RPL6: variants seen among roughly 807,000 people sequenced by gnomAD.
The protein encoded by RPL6 is ribosomal protein L6.
A neutral mutation model predicts 32.1 loss-of-function variants in RPL6; 1 was observed. The ratio of observed to expected loss-of-function variants is 0.03; its 90% CI spans 0.01 to 0.15. RPL6 has a LOEUF of 0.15. RPL6 is among the 10% of genes least tolerant of loss of function. The probability of loss-of-function intolerance (pLI) is 1.00; values close to 1 mark genes in which losing one functional copy is unlikely to be tolerated. For synonymous variants in RPL6, 126 were observed against 131.6 expected (o/e 0.96, Z 0.29); for missense variants, 275 against 354.6 (o/e 0.78, Z 1.80).
chr12:112,405,806 G>C, intron 6 of RPL6, 47 bp downstream of exon 6: 2 of 1,476,054 alleles, frequency 1.4e-6, no homozygotes, highest in African/African-American at 2.8e-5. Context: ...TTCACTCCCA[G>C]GTAGAAGGGC....
upstream of RPL6, among the ~76,000 whole-genome samples, chr12:112,411,881 CTT>C (rs937776010): frequency 6.9e-6 from 1 of 144,520 alleles, no homozygotes; most frequent in African/African-American, 2.5e-5. Flanking sequence ...GACACTTAAT[CTT>C]TTTTTTTTTT....
Position 112,406,051 on chromosome 12 carries a change from A to AT in RPL6, c.530-15dup, listed in dbSNP as rs751460555. On this transcript the variant is annotated splice_polypyrimidine_tract_variant and intron_variant, in intron 5 of 6. Coordinates refer to ENST00000202773, the MANE Select transcript of RPL6 (RefSeq NM_000970.6). ...GGACCAGAGGTCCTAAGGGGGAAAA[A>AT]TTAATTTAGCAAGGAAAAGGGGGAA... is the stretch of plus-strand genomic sequence containing the variant. 3 of 1,592,746 alleles carry AT rather than the reference A, an allele frequency of 1.9e-6. No individual in the cohort carries two copies. The African/African-American group carries it at 4.1e-5, about 22-fold the overall frequency.
At chr12:112,408,387 A>C (rs765810367) in intron 2 of RPL6, 33 bp downstream of exon 2, 1 of 1,613,548 alleles carries the variant, frequency 6.2e-7, no homozygotes, top group South Asian at 1.1e-5. Context: ...AATTAAGGTT[A>C]AGACATAATG....
intron 3 of RPL6, chr12:112,407,091 C>T (rs1215660379): frequency 1.9e-6 from 1 of 523,260 alleles, no homozygotes; most frequent in African/African-American, 2.0e-5. Flanking sequence ...AAAGGAGACA[C>T]CATTTAATGA....
At chr12:112,418,828 C>T (rs554850776) in exon 1 of RPL6, 3 of 492,638 alleles carry the variant, frequency 6.1e-6, no homozygotes, top group East Asian at 3.7e-5. Context: ...GTCGCTCGGT[C>T]CTCCGCTGAC....
chr12:112,406,938 TA>T, intron 3 of RPL6, 48 bp from the exon 4 acceptor site: 1 of 1,601,800 alleles, frequency 6.2e-7, no homozygotes, highest in Non-Finnish European at 8.5e-7. Context: ...CCATTCAGAT[TA>T]CTAGAAGCAA....
In RPL6 at chr12:112,406,902, C is replaced by T; in HGVS notation, c.337-12G>A. 1.2e-6 allele frequency: 2 copies of T among 1,613,658 alleles called. No individual in the cohort carries two copies. The highest frequency in any genetic ancestry group is 2.2e-5 in the East Asian group (1 of 44,882). On this transcript the variant is annotated splice_polypyrimidine_tract_variant and intron_variant, in intron 3 of 6. Transcript: ENST00000202773. ...GGATAATATCTAGGCTGTGGAGAGTCCATAGATCCAACTTATTTAAATAAG... is the reference window on the plus strand; with the variant it reads ...GGATAATATCTAGGCTGTGGAGAGTTCATAGATCCAACTTATTTAAATAAG...
At chr12:112,413,861 A>AT (rs1475977146), upstream of RPL6, among the ~76,000 whole-genome samples, 5 of 150,624 alleles carry the variant, frequency 3.3e-5, no homozygotes, top group Non-Finnish European at 4.4e-5. Context: ...CCCTGTCTGT[A>AT]TTAAAAAAAA....
chr12:112,415,353 G>A (rs2037393988), upstream of RPL6, among the ~76,000 whole-genome samples: 1 of 152,198 alleles, frequency 6.6e-6, no homozygotes, highest in Non-Finnish European at 1.5e-5. Flanking sequence ...AGGACTGCTT[G>A]AGGCCAGGAG....
chr12:112,411,877 T>G (rs926428708), upstream of RPL6, among the ~76,000 whole-genome samples: 2 of 151,948 alleles, frequency 1.3e-5, no homozygotes, highest in Admixed American at 6.6e-5. Context: ...TGCAGACACT[T>G]AATCTTTTTT....
intron 1 of RPL6, among the ~76,000 whole-genome samples, chr12:112,416,134 T>C (rs1439201136): frequency 1.3e-5 from 1 of 75,846 alleles, no homozygotes; most frequent in East Asian, 4.1e-4. Flanking sequence ...AAATTTTGTA[T>C]TTTTTTTTTT....
Position 112,405,301 on chromosome 12 carries a change from T to C in RPL6, c.790A>G (p.Ile264Val), listed in dbSNP as rs141161168. The C allele has an allele frequency of 1.4e-4, 227 of 1,610,704 alleles. 1 individual carries two copies. The African/African-American group carries it at 2.6e-3, about 19-fold the overall frequency. Reference sequence around the variant, plus strand: ...CGCAGGTAGCCCTGGAGCTGAGGAATAGCTTTGATTTTTGGTAAAATTTGT... The same window carrying C: ...CGCAGGTAGCCCTGGAGCTGAGGAACAGCTTTGATTTTTGGTAAAATTTGT... ...DSQILPKIKAIPQLQGYLRSV... is the reference protein window; with the variant it reads ...DSQILPKIKAVPQLQGYLRSV... Residue 264 changes from isoleucine (I) to valine (V), a missense_variant, in exon 7 of 7, where the codon ATT (isoleucine) becomes GTT (valine). Coordinates refer to ENST00000202773, the MANE Select transcript of RPL6 (RefSeq NM_000970.6).
At chr12:112,416,023 A>G (rs1216455208) in intron 1 of RPL6, among the ~76,000 whole-genome samples, 5 of 148,352 alleles carry the variant, frequency 3.4e-5, no homozygotes, top group Non-Finnish European at 5.9e-5. Context: ...CAGTGGCGCA[A>G]TCTTGGCTCA....
chr12:112,415,195 C>T (rs1242828179), upstream of RPL6, among the ~76,000 whole-genome samples: 5 of 152,072 alleles, frequency 3.3e-5, no homozygotes, highest in Admixed American at 3.3e-4. Flanking sequence ...TTGAGGGGAG[C>T]TGAAAGTCAT....
At chr12:112,406,395 G>C (rs2037170656) in intron 4 of RPL6, 53 bp from the exon 5 acceptor site, 2 of 1,482,810 alleles carry the variant, frequency 1.3e-6, no homozygotes, top group Admixed American at 3.4e-5. Context: ...ACTGACTTCT[G>C]AATTCATAAA....
intron 1 of RPL6, among the ~76,000 whole-genome samples, chr12:112,416,193 GCAGTGGTGTGAT>G (rs1358282412): frequency 1.4e-5 from 2 of 142,750 alleles, no homozygotes; most frequent in Non-Finnish European, 1.5e-5. Context: ...AGGCTGGAGT[GCAGTGGTGTGAT>G]CTTGGCTCAC....
Position 112,406,786 on chromosome 12 carries a change from C to G in RPL6, c.441G>C (p.Gly147=), listed in dbSNP as rs773346470. 6.2e-7 allele frequency: 1 copy of G among 1,614,222 alleles called. No individual in the cohort carries two copies. The highest frequency in any genetic ancestry group is 8.5e-7 in the Non-Finnish European group (1 of 1,180,034). Residue 147 remains glycine (G), a synonymous_variant, in exon 4 of 7, where the codon GGG becomes GGC. Transcript: ENST00000202773. The part of the protein sequence containing the change: ...VRKLRASITP[G]TILIILTGRH... The stretch of plus-strand genomic sequence containing the variant: ...GTCCAGTGAGGATGATCAGAATGGT[C>G]CCGGGGGTAATGCTGGCTCGCAGTT...
At chr12:112,409,955 G>A (rs1041702145), upstream of RPL6, among the ~76,000 whole-genome samples, 1 of 147,256 alleles carries the variant, frequency 6.8e-6, no homozygotes, top group Non-Finnish European at 1.5e-5. Context: ...AGATTGCAGT[G>A]AGCCAAGATC....
chr12:112,417,032 G>A (rs1046993692), intron 1 of RPL6, among the ~76,000 whole-genome samples: 10 of 152,086 alleles, frequency 6.6e-5, no homozygotes, highest in African/African-American at 2.2e-4. Context: ...TAAACTTATG[G>A]CTCTGCCATT....
Sources: gnomAD v4.1 joint callset for allele counts (sites outside exome capture counted in the v4.1 genomes callset) on GRCh38, gnomAD v4.1.1 for gene constraint, MANE v1.5 for transcripts, NCBI Gene and HGNC (gene_info 2026-07-23, HGNC 2026-07-21) for gene names.